Variants in JAM2 observed in about 807,000 individuals in gnomAD.
The protein encoded by JAM2 is junctional adhesion molecule B.
JAM2 carries 17 observed loss-of-function variants against 42.0 expected under a neutral mutation model. That is an observed-to-expected ratio of 0.40 (90% confidence interval 0.28 to 0.61). JAM2 has a LOEUF of 0.61. Ranked by LOEUF, JAM2 falls within the 20% of genes least tolerant of loss-of-function variation. JAM2 has a pLI of 0.37. For missense variants in JAM2, 319 were observed against 358.3 expected, an observed-to-expected ratio of 0.89 and a Z score of 0.89; for synonymous variants, 118 against 128.6, an observed-to-expected ratio of 0.92 and a Z score of 0.56.
chr21:25,669,397 GAAA>G (rs1568897675), intron 1 of JAM2, among the ~76,000 whole-genome samples: 5 of 123,382 alleles, frequency 4.1e-5, no homozygotes, highest in African/African-American at 1.7e-4. Flanking sequence ...AAGAAAAAAA[GAAA>G]AAAAAAGAAG....
chr21:25,705,776 C>T lies in JAM2; in HGVS notation c.698-203C>T, dbSNP rs547011563. 9.2e-5 allele frequency among the ~76,000 whole-genome samples: 14 copies of T among 152,250 alleles called. No individual in the cohort carries two copies. The South Asian group carries it at 2.9e-3, about 32-fold the overall frequency. On this transcript the variant is annotated intron_variant, in intron 6 of 9. Coordinates refer to ENST00000480456, the MANE Select transcript of JAM2 (RefSeq NM_021219.4). ...GAAGTTTTTAAAATTTAGTATTTTT[C>T]CAAAGCTTAAGTTCTGTTAATATTT... is the stretch of plus-strand genomic sequence containing the variant.
rs2034466174 is a variant in JAM2, at chr21:25,715,771, C to T, written c.*1099C>T. The T allele has an allele frequency of 6.6e-6, 1 of 152,128 alleles. No individual in the cohort carries two copies. Among genetic ancestry groups the T allele is most frequent in the African/African-American group, 2.4e-5 (1 of 41,412 alleles). 9.4% of individuals were successfully genotyped at this position (152,128 alleles called of 1,614,324 possible). A position where few individuals can be genotyped will look rare whatever the true frequency, so the allele number is the denominator to read the frequency against. On this transcript the variant is annotated 3_prime_UTR_variant, in exon 10 of 10. Coordinates refer to ENST00000480456, the MANE Select transcript of JAM2 (RefSeq NM_021219.4). ...CTCAACCGATGAACCACAAAAGCTT[C>T]CAGCTACTATTACAATGTGAAAATT...
rs2829844 is a variant in JAM2, at chr21:25,651,699, T to A, written c.67+11811T>A. On this transcript the variant is annotated intron_variant, in intron 1 of 9. Transcript: ENST00000480456. ...TATTTCTTTTTTATGCATTGTATTA[T>A]TTATTTCACAACTATTATAAAAATG... Among the ~76,000 whole-genome samples, 604 of 152,364 alleles carry A rather than the reference T, an allele frequency of 4.0e-3. 15 individuals carry two copies. The highest frequency in any genetic ancestry group is 0.035 in the Admixed American group (540 of 15,294).
chr21:25,711,436 G>A (rs1417260195), intron 8 of JAM2: 1 of 456,152 alleles, frequency 2.2e-6, no homozygotes, highest in Non-Finnish European at 4.4e-6. Flanking sequence ...TGAGGCTATG[G>A]CAGCTGGGAG....
chr21:25,674,889 T>A (rs968877283), intron 1 of JAM2, among the ~76,000 whole-genome samples: 6 of 152,070 alleles, frequency 3.9e-5, no homozygotes, highest in African/African-American at 1.4e-4. Context: ...CCATAATAAA[T>A]ACTGGGTGGC....
chr21:25,678,743 C>T (rs1038275492), intron 1 of JAM2, among the ~76,000 whole-genome samples: 7 of 152,226 alleles, frequency 4.6e-5, no homozygotes, highest in Admixed American at 4.6e-4. Context: ...ATTGAACCTG[C>T]ATATCACTGG....
chr21:25,650,508 T>C (rs1399031839), intron 1 of JAM2, among the ~76,000 whole-genome samples: 4 of 152,214 alleles, frequency 2.6e-5, no homozygotes, highest in African/African-American at 7.2e-5. Flanking sequence ...GATGCTGGCA[T>C]GTTCAAAAAA....
chr21:25,674,724 G>A lies in JAM2; in HGVS notation c.68-9159G>A, dbSNP rs73897026. ...GAGGAAGGGCCAGATTGTCTAGTTCGAGAGACTGTAAAGACATGTGTCTGC... is the reference window on the plus strand; with the variant it reads ...GAGGAAGGGCCAGATTGTCTAGTTCAAGAGACTGTAAAGACATGTGTCTGC... On this transcript the variant is annotated intron_variant, in intron 1 of 9. Transcript: ENST00000480456. Among the ~76,000 whole-genome samples the A allele has an allele frequency of 4.5e-3, 678 of 151,568 alleles. 4 individuals carry two copies. The highest frequency in any genetic ancestry group is 0.014 in the Middle Eastern group (4 of 294).
At chr21:25,679,145 C>T (rs2033568925) in intron 1 of JAM2, among the ~76,000 whole-genome samples, 1 of 152,284 alleles carries the variant, frequency 6.6e-6, no homozygotes, top group African/African-American at 2.4e-5. Flanking sequence ...TCCAGAATAG[C>T]GTGTGCTCCT....
At chr21:25,680,538 A>AG (rs1448991773) in intron 1 of JAM2, among the ~76,000 whole-genome samples, 2 of 152,220 alleles carry the variant, frequency 1.3e-5, no homozygotes, top group African/African-American at 4.8e-5. Context: ...TGTAAAAATA[A>AG]GACAAAGTTT....
rs568594638 is a variant in JAM2 at position 25,701,659 on chromosome 21, A to C, written c.598-511A>C. 1.2e-4 allele frequency among the ~76,000 whole-genome samples: 19 copies of C among 152,322 alleles called. No individual in the cohort carries two copies. The East Asian group carries it at 3.7e-3, about 29-fold the overall frequency. ...AGTTGATAGAATCGACAATCCTATAAACCGATACCAATTAAGATTTTCCTA... is the reference window on the plus strand; with the variant it reads ...AGTTGATAGAATCGACAATCCTATACACCGATACCAATTAAGATTTTCCTA... On this transcript the variant is annotated intron_variant, in intron 5 of 9. Coordinates refer to ENST00000480456, the MANE Select transcript of JAM2 (RefSeq NM_021219.4).
At chr21:25,653,206 G>T (rs1326920521) in intron 1 of JAM2, among the ~76,000 whole-genome samples, 1 of 152,196 alleles carries the variant, frequency 6.6e-6, no homozygotes, top group Non-Finnish European at 1.5e-5. Context: ...TAATAAATGA[G>T]AAGGGAGTTA....
At chr21:25,662,773 T>C (rs1305613994) in intron 1 of JAM2, among the ~76,000 whole-genome samples, 1 of 152,136 alleles carries the variant, frequency 6.6e-6, no homozygotes, top group African/African-American at 2.4e-5. Flanking sequence ...GTACAAGAAG[T>C]TTATACATTT....
chr21:25,653,842 A>G lies in JAM2; in HGVS notation c.67+13954A>G, dbSNP rs79459351. On this transcript the variant is annotated intron_variant, in intron 1 of 9. Transcript: ENST00000480456. ...GAGATTGTGCCCAAAGGACAAAGGA[A>G]TTAACCTAAAAAGTCTTTCTTTAGC... Among the ~76,000 whole-genome samples, 28 of 152,366 alleles carry G rather than the reference A, an allele frequency of 1.8e-4. No homozygotes were observed. The East Asian group carries it at 5.2e-3, about 28-fold the overall frequency.
chr21:25,707,218 A>T (rs1271825575), intron 7 of JAM2, among the ~76,000 whole-genome samples: 1 of 152,216 alleles, frequency 6.6e-6, no homozygotes, highest in Non-Finnish European at 1.5e-5. Flanking sequence ...GTGGTGGCTC[A>T]TGCCTGTCAT....
intron 1 of JAM2, among the ~76,000 whole-genome samples, chr21:25,655,640 C>T (rs1351601062): frequency 6.9e-6 from 1 of 144,456 alleles, no homozygotes; most frequent in Admixed American, 7.0e-5. Context: ...GCCACTACGC[C>T]CAGCTAATTT....
At chr21:25,651,485 G>A (rs1396248554) in intron 1 of JAM2, among the ~76,000 whole-genome samples, 2 of 152,140 alleles carry the variant, frequency 1.3e-5, no homozygotes, top group East Asian at 1.9e-4. Context: ...ACTGCTGATG[G>A]AGCTGTGAGA....
Position 25,639,588 on chromosome 21 carries a change from A to T in JAM2, c.-234A>T. On this transcript the variant is annotated 5_prime_UTR_variant, in exon 1 of 10. Transcript: ENST00000480456. ...CTCTAGCCCCTACCCCCACACCCCC[A>T]AAACAGAACAGACCCCCATCCCTGG... 2.5e-6 allele frequency: 1 copy of T among 401,920 alleles called. No homozygotes were observed. Among genetic ancestry groups the T allele is most frequent in the Non-Finnish European group, 4.4e-6 (1 of 226,678 alleles). The allele number at this position is 401,920 out of a possible 1,614,324, so 24.9% of individuals were successfully genotyped here. A position where few individuals can be genotyped will look rare whatever the true frequency, so the allele number is the denominator to read the frequency against.
chr21:25,706,864 C>T (rs1213670568), intron 7 of JAM2, among the ~76,000 whole-genome samples: 9 of 152,018 alleles, frequency 5.9e-5, no homozygotes, highest in African/African-American at 9.7e-5. Flanking sequence ...CTCAGCCTCC[C>T]GAGTAGCTGG....
Sources: allele counts gnomAD v4.1 joint callset (sites outside exome capture counted in the v4.1 genomes callset), GRCh38; gene constraint gnomAD v4.1.1; transcripts MANE v1.5; gene names NCBI Gene and HGNC (gene_info 2026-07-23, HGNC 2026-07-21).